The following CPNE8 variants were observed in gnomAD, a reference collection of about 807,000 sequenced individuals.
The protein encoded by CPNE8 is copine 8, also known as copine-8.
Under a neutral mutation model 81.5 loss-of-function variants are expected in CPNE8, and 45 were observed. The observed-to-expected ratio is 0.55, with a 90% CI of 0.44 to 0.71. The LOEUF is 0.71. CPNE8 is among the 30% of genes least tolerant of loss of function. CPNE8 has a pLI of 0.00. For synonymous variants in CPNE8, 252 were observed against 226.3 expected (o/e 1.11, Z -1.02); for missense variants, 594 against 672.1 (o/e 0.88, Z 1.28).
chr12:38,770,319 T>G (rs1941775978), intron 7 of CPNE8, among the ~76,000 whole-genome samples: 1 of 152,174 alleles, frequency 6.6e-6, no homozygotes, highest in African/African-American at 2.4e-5. Context: ...TTCCTGATCC[T>G]TTATCCAGTC....
intron 16 of CPNE8, among the ~76,000 whole-genome samples, chr12:38,678,105 A>T (rs1939332874): frequency 6.6e-6 from 1 of 152,078 alleles, no homozygotes; most frequent in Admixed American, 6.6e-5. Context: ...CAAATTTACT[A>T]AATGTCATTG....
At chr12:38,819,077 G>A (rs987828113) in intron 6 of CPNE8, among the ~76,000 whole-genome samples, 2 of 152,128 alleles carry the variant, frequency 1.3e-5, no homozygotes, top group Admixed American at 6.5e-5. Flanking sequence ...TTCCCATTCT[G>A]TGGGTTGCCT....
Position 38,782,464 on chromosome 12 carries a change from G to T in CPNE8, c.408-6163C>A, listed in dbSNP as rs563632072. 1.5e-4 allele frequency among the ~76,000 whole-genome samples: 23 copies of T among 152,116 alleles called. No homozygotes were observed. In the South Asian group the frequency reaches 3.5e-3, roughly 23 times the overall value. On this transcript the variant is annotated intron_variant, in intron 6 of 19. Coordinates refer to ENST00000331366, the MANE Select transcript of CPNE8 (RefSeq NM_153634.3). ...ATCATCATATTGTGGTTGTGTAAAAGAATATTCTTATTAAGAAATTCACTC... is the reference window on the plus strand; with the variant it reads ...ATCATCATATTGTGGTTGTGTAAAATAATATTCTTATTAAGAAATTCACTC...
intron 6 of CPNE8, among the ~76,000 whole-genome samples, chr12:38,801,787 G>C (rs1259795259): frequency 3.8e-5 from 4 of 105,376 alleles, no homozygotes; most frequent in Non-Finnish European, 5.8e-5. Context: ...GACACACATA[G>C]GCTCCAAATA....
rs190805878 is a variant in CPNE8 at position 38,845,695 on chromosome 12, T to G, written c.290+2864A>C. On this transcript the variant is annotated intron_variant, in intron 4 of 19. Transcript: ENST00000331366. ...GAAATCACAAAAATAATAATGATGATAATAATAATAAGCCTGTTCTTTCAG... is the reference window on the plus strand; with the variant it reads ...GAAATCACAAAAATAATAATGATGAGAATAATAATAAGCCTGTTCTTTCAG... Among the ~76,000 whole-genome samples the G allele has an allele frequency of 8.4e-3, 1,273 of 152,226 alleles. 16 individuals carry two copies. Among genetic ancestry groups the G allele is most frequent in the Middle Eastern group, 0.037 (11 of 294 alleles).
At chr12:38,678,370 A>G (rs1279286621) in intron 16 of CPNE8, among the ~76,000 whole-genome samples, 1 of 151,990 alleles carries the variant, frequency 6.6e-6, no homozygotes, top group Non-Finnish European at 1.5e-5. Context: ...TTAGTTTTCT[A>G]CATTCTAGAT....
chr12:38,792,482 TA>T (rs967516603), intron 6 of CPNE8, among the ~76,000 whole-genome samples: 2 of 151,456 alleles, frequency 1.3e-5, no homozygotes, highest in African/African-American at 2.4e-5. Context: ...AATTTAGAAG[TA>T]ATTGACACAT....
At chr12:38,879,923 T>C (rs1270956185) in intron 1 of CPNE8, among the ~76,000 whole-genome samples, 1 of 152,166 alleles carries the variant, frequency 6.6e-6, no homozygotes, top group East Asian at 1.9e-4. Flanking sequence ...CAAAAAGCAC[T>C]GTGACCAGAA....
At chr12:38,667,926 T>C (rs1939095133) in intron 19 of CPNE8, among the ~76,000 whole-genome samples, 1 of 152,040 alleles carries the variant, frequency 6.6e-6, no homozygotes, top group African/African-American at 2.4e-5. Context: ...GCCTCCTGAG[T>C]AGCTGAGATT....
At chr12:38,897,484 T>TA (rs1944404476) in intron 1 of CPNE8, among the ~76,000 whole-genome samples, 1 of 151,984 alleles carries the variant, frequency 6.6e-6, no homozygotes, top group South Asian at 2.1e-4. Context: ...ATAAACATAG[T>TA]ACAACCATAT....
At position 38,872,342 on chromosome 12, in the gene CPNE8, C is replaced by T. The variant is rs147208993; in HGVS notation, c.186+662G>A. Among the ~76,000 whole-genome samples, 332 of 152,266 alleles carry T rather than the reference C, an allele frequency of 2.2e-3. 1 individual carries two copies. Among genetic ancestry groups the T allele is most frequent in the African/African-American group, 7.7e-3 (319 of 41,560 alleles). On this transcript the variant is annotated intron_variant, in intron 3 of 19. Transcript: ENST00000331366. ...CAAATGCACTCTGTGGCACAAATAGCACTAACCTCACTAGGGAAATCTAGC... is the reference window on the plus strand; with the variant it reads ...CAAATGCACTCTGTGGCACAAATAGTACTAACCTCACTAGGGAAATCTAGC...
intron 16 of CPNE8, among the ~76,000 whole-genome samples, chr12:38,681,021 C>A (rs964540443): frequency 4.6e-5 from 7 of 151,520 alleles, no homozygotes; most frequent in Non-Finnish European, 7.4e-5. Flanking sequence ...GCACAGGAAA[C>A]AAAAGACTAA....
intron 8 of CPNE8, among the ~76,000 whole-genome samples, chr12:38,765,826 T>C (rs7138956): frequency 0.035 from 5,299 of 152,230 alleles, 290 homozygotes; most frequent in African/African-American, 0.12. Context: ...TTTTTCTTAA[T>C]ATTTAGATTT....
rs1303653964 is a variant in CPNE8, at chr12:38,905,298, A to G, written c.98+139T>C. The G allele has an allele frequency of 1.4e-5, 13 of 943,504 alleles. No individual in the cohort carries two copies. The East Asian group carries it at 3.5e-4, about 25-fold the overall frequency. 58.4% of individuals were successfully genotyped at this position (943,504 alleles called of 1,614,324 possible). ...GTGTCACCTGACCCGGGGTAACTCCAGCCCCACTACTGAGATATTTCCCAC... is the reference window on the plus strand; with the variant it reads ...GTGTCACCTGACCCGGGGTAACTCCGGCCCCACTACTGAGATATTTCCCAC... On this transcript the variant is annotated intron_variant, in intron 1 of 19. Coordinates refer to ENST00000331366, the MANE Select transcript of CPNE8 (RefSeq NM_153634.3).
rs994718109 is a variant in CPNE8 at position 38,808,058 on chromosome 12, A to G, written c.407+21321T>C. ...CAAATCAAAACCACAATGAGATATC[A>G]TCTCACACCAGTTAGAATGGCAATC... is the stretch of plus-strand genomic sequence containing the variant. On this transcript the variant is annotated intron_variant, in intron 6 of 19. Transcript: ENST00000331366. Among the ~76,000 whole-genome samples, 19 of 152,242 alleles carry G rather than the reference A, an allele frequency of 1.2e-4. No individual in the cohort carries two copies. The South Asian group carries it at 1.2e-3, about 10-fold the overall frequency.
At chr12:38,791,674 T>C (rs1180828594) in intron 6 of CPNE8, among the ~76,000 whole-genome samples, 3 of 151,668 alleles carry the variant, frequency 2.0e-5, no homozygotes, top group African/African-American at 7.2e-5. Flanking sequence ...TTTAATAATG[T>C]ATAGAACAAC....
At chr12:38,685,707 C>T (rs1387731450) in intron 15 of CPNE8, 90 bp from the exon 16 acceptor site, 34 of 1,290,032 alleles carry the variant, frequency 2.6e-5, no homozygotes, top group South Asian at 1.6e-4. Flanking sequence ...GAATAATACA[C>T]GTTGACACTC....
At chr12:38,659,994 G>A (rs1938915805) in intron 19 of CPNE8, among the ~76,000 whole-genome samples, 1 of 152,180 alleles carries the variant, frequency 6.6e-6, no homozygotes, top group African/African-American at 2.4e-5. Context: ...AACATTCCAT[G>A]CTCATGGTTA....
chr12:38,906,682 A>G, upstream of CPNE8: 2 of 861,840 alleles, frequency 2.3e-6, no homozygotes, highest in Non-Finnish European at 2.8e-6. Flanking sequence ...GTCGTGGCAA[A>G]AGCATCCGGA....
Sources: allele counts gnomAD v4.1 joint callset (sites outside exome capture counted in the v4.1 genomes callset), GRCh38; gene constraint gnomAD v4.1.1; transcripts MANE v1.5; gene names NCBI Gene and HGNC (gene_info 2026-07-23, HGNC 2026-07-21).